The following TOX2 variants were observed in gnomAD, a reference collection of about 807,000 sequenced individuals.
TOX2 encodes TOX high mobility group box family member 2.
A neutral mutation model predicts 47.4 loss-of-function variants in TOX2; 15 were observed. That is an observed-to-expected ratio of 0.32 (90% confidence interval 0.21 to 0.49). The LOEUF is 0.49. Ranked by LOEUF, TOX2 falls within the 20% of genes least tolerant of loss-of-function variation. The pLI is 0.99. For synonymous variants in TOX2, 290 were observed against 296.6 expected (o/e 0.98, Z 0.23); for missense variants, 622 against 673.1 (o/e 0.92, Z 0.84).
chr20:43,969,075 T>C (rs1023738092), intron 1 of TOX2, among the ~76,000 whole-genome samples: 1 of 152,244 alleles, frequency 6.6e-6, no homozygotes, highest in Admixed American at 6.5e-5. Flanking sequence ...TGTACACATA[T>C]GGGCACACCC....
intron 4 of TOX2, among the ~76,000 whole-genome samples, chr20:44,052,203 C>T (rs144754780): frequency 6.6e-6 from 1 of 152,298 alleles, no homozygotes; most frequent in African/African-American, 2.4e-5. Context: ...CCCCAACATT[C>T]CTGGAGTCTA....
chr20:44,051,168 T>A, intron 3 of TOX2, 138 bp from the exon 4 acceptor site: 1 of 1,305,764 alleles, frequency 7.7e-7, no homozygotes, highest in African/African-American at 1.5e-5. Context: ...ATCTTGAGAT[T>A]CACCTGTCAG....
At chr20:43,939,529 G>A (rs1472286578) in intron 1 of TOX2, among the ~76,000 whole-genome samples, 1 of 152,210 alleles carries the variant, frequency 6.6e-6, no homozygotes, top group African/African-American at 2.4e-5. Context: ...TAGGACGGAT[G>A]CCAAGACTAG....
rs188625612 is a variant in TOX2, at chr20:44,017,709, A to G, written c.411+10917A>G. 1.4e-3 allele frequency among the ~76,000 whole-genome samples: 212 copies of G among 152,352 alleles called. 1 individual carries two copies. Among genetic ancestry groups the G allele is most frequent in the Non-Finnish European group, 2.4e-3 (162 of 68,038 alleles). ...GCACCTACTTAAACCCTTTCTATTT[A>G]TAATCTCACTTAATCCTTGACCCTG... On this transcript the variant is annotated intron_variant, in intron 3 of 8. Transcript: ENST00000341197.
At chr20:44,000,855 G>T (rs1420319447) in intron 2 of TOX2, among the ~76,000 whole-genome samples, 1 of 152,122 alleles carries the variant, frequency 6.6e-6, no homozygotes, top group Non-Finnish European at 1.5e-5. Context: ...GAAGAAGTTT[G>T]TTCCCAGGGA....
chr20:43,959,844 A>G (rs574575168), intron 1 of TOX2, among the ~76,000 whole-genome samples: 1 of 152,324 alleles, frequency 6.6e-6, no homozygotes, highest in East Asian at 1.9e-4. Context: ...GAGGCTCTAG[A>G]CTGCTGACTG....
intron 1 of TOX2, among the ~76,000 whole-genome samples, chr20:43,970,322 CA>C (rs1569046748): frequency 1.3e-5 from 2 of 152,202 alleles, no homozygotes; most frequent in African/African-American, 4.8e-5. Flanking sequence ...TTATGTAAAG[CA>C]TTTTGCTCAG....
At chr20:44,010,726 C>T (rs60206161) in intron 3 of TOX2, among the ~76,000 whole-genome samples, 1,809 of 152,144 alleles carry the variant, frequency 0.012, 36 homozygotes, top group African/African-American at 0.041. Flanking sequence ...CTTGCATAAT[C>T]CCCCCAAGAA....
At chr20:43,955,368 C>G in intron 1 of TOX2, 2 of 940,626 alleles carry the variant, frequency 2.1e-6, no homozygotes, top group African/African-American at 3.5e-5. Context: ...TTCCCCTTGG[C>G]TGGCTTCTGG....
At chr20:43,969,348 C>T (rs562555547) in intron 1 of TOX2, among the ~76,000 whole-genome samples, 1 of 152,342 alleles carries the variant, frequency 6.6e-6, no homozygotes, top group East Asian at 1.9e-4. Flanking sequence ...ACAGTGTATG[C>T]ACTGCGGTGG....
chr20:43,935,475 CCTA>C (rs2069313724), intron 1 of TOX2, among the ~76,000 whole-genome samples: 1 of 152,170 alleles, frequency 6.6e-6, no homozygotes, highest in Non-Finnish European at 1.5e-5. Flanking sequence ...TCAGTGAATA[CCTA>C]CTATGTGCCA....
chr20:43,999,659 G>A (rs970656570), intron 2 of TOX2, among the ~76,000 whole-genome samples: 7 of 152,196 alleles, frequency 4.6e-5, no homozygotes, highest in African/African-American at 1.2e-4. Flanking sequence ...CTATCTGAGC[G>A]TCTACAGATT....
At chr20:44,057,293 G>A (rs550954814) in intron 5 of TOX2, among the ~76,000 whole-genome samples, 1 of 152,220 alleles carries the variant, frequency 6.6e-6, no homozygotes, top group Admixed American at 6.5e-5. Context: ...TGTTGACTAG[G>A]ACTTCTAAAA....
intron 1 of TOX2, among the ~76,000 whole-genome samples, chr20:43,927,513 C>T (rs1182085979): frequency 8.7e-6 from 1 of 115,440 alleles, no homozygotes; most frequent in East Asian, 2.4e-4. Context: ...ACACACACAT[C>T]ATGAGATATG....
intron 3 of TOX2, chr20:44,039,206 T>C (rs2071292858): frequency 3.1e-6 from 4 of 1,285,492 alleles, no homozygotes; most frequent in Non-Finnish European, 4.1e-6. Flanking sequence ...GAGGGAAGGC[T>C]TCTCTGAGGA....
chr20:44,017,206 G>A (rs901169134), intron 3 of TOX2, among the ~76,000 whole-genome samples: 1 of 152,244 alleles, frequency 6.6e-6, no homozygotes, highest in Non-Finnish European at 1.5e-5. Context: ...ATAGAGCTGG[G>A]ACTTGAACCT....
intron 3 of TOX2, among the ~76,000 whole-genome samples, chr20:44,015,359 G>A (rs1334353398): frequency 3.3e-5 from 5 of 152,126 alleles, no homozygotes; most frequent in Admixed American, 6.5e-5. Context: ...GCAGGGGACC[G>A]CTCCGTTTTC....
chr20:44,051,947 G>A (rs2071520350), intron 4 of TOX2, among the ~76,000 whole-genome samples: 1 of 152,196 alleles, frequency 6.6e-6, no homozygotes, highest in Admixed American at 6.5e-5. Flanking sequence ...AAATGTTGAG[G>A]GGATGGGGTG....
At chr20:44,021,877 C>G (rs1031777464) in intron 3 of TOX2, among the ~76,000 whole-genome samples, 4 of 151,648 alleles carry the variant, frequency 2.6e-5, no homozygotes, top group Non-Finnish European at 4.4e-5. Context: ...CTCAAGTGAT[C>G]CTCCCACTTT....
Sources: gnomAD v4.1 joint callset for allele counts (sites outside exome capture counted in the v4.1 genomes callset) on GRCh38, gnomAD v4.1.1 for gene constraint, MANE v1.5 for transcripts, NCBI Gene and HGNC (gene_info 2026-07-23, HGNC 2026-07-21) for gene names.